SH3BP4: variants seen among roughly 807,000 people sequenced by gnomAD.
SH3BP4 encodes SH3 domain binding protein 4, also known as SH3 domain-binding protein 4.
In SH3BP4, 33 loss-of-function variants were observed where a neutral mutation model predicts 65.5. That is an observed-to-expected ratio of 0.50 (90% CI 0.38 to 0.67). The LOEUF (loss-of-function observed/expected upper bound fraction) is 0.67. Among genes scored for constraint, SH3BP4 ranks in the 30% least tolerant of loss-of-function variants. The probability of loss-of-function intolerance (pLI) is 0.00; values close to 1 mark genes in which losing one functional copy is unlikely to be tolerated. For missense variants in SH3BP4, 1,134 were observed against 1,261.4 expected (o/e 0.90, Z 1.53); for synonymous variants, 552 against 545.5 (o/e 1.01, Z -0.17).
At position 235,034,577 on chromosome 2, in the gene SH3BP4, G is replaced by A. The variant is rs1255379542; in HGVS notation, c.-132-294G>A. ...ACTGTAATGAATGGACTGGCCAGGT[G>A]CTGGAGCACATTTCGCAAACACCCT... On this transcript the variant is annotated intron_variant, in intron 2 of 5. Coordinates refer to ENST00000392011, the MANE Select transcript of SH3BP4 (RefSeq NM_014521.3). This position sits in a 1 kb window ranked among gnomAD's most constrained non-coding sequence, Gnocchi z 6.2. 6.6e-6 allele frequency among the ~76,000 whole-genome samples: 1 copy of A among 152,240 alleles called. No individual in the cohort carries two copies. The highest frequency in any genetic ancestry group is 1.5e-5 in the Non-Finnish European group (1 of 68,048).
At chr2:235,020,693 G>A (rs1694824500) in intron 2 of SH3BP4, among the ~76,000 whole-genome samples, 1 of 152,210 alleles carries the variant, frequency 6.6e-6, no homozygotes, top group African/African-American at 2.4e-5. Flanking sequence ...TACTACTACA[G>A]CTAGTAGTTG....
At chr2:234,954,612 C>A (rs1254254444) in intron 1 of SH3BP4, among the ~76,000 whole-genome samples, 1 of 152,178 alleles carries the variant, frequency 6.6e-6, no homozygotes, top group African/African-American at 2.4e-5. Flanking sequence ...GTTTGCTAAT[C>A]CGGCAGCCTG....
intron 2 of SH3BP4, among the ~76,000 whole-genome samples, chr2:235,027,814 G>T (rs1180538360): frequency 6.6e-6 from 1 of 152,188 alleles, no homozygotes; most frequent in Non-Finnish European, 1.5e-5. Context: ...TCAGCCTGAG[G>T]TTTCCCTAAG....
Position 235,041,398 on chromosome 2 carries a change from C to T in SH3BP4, c.629C>T (p.Thr210Met), listed in dbSNP as rs968971017. Reference sequence around the variant, plus strand: ...TTCACCGAATCCAGCTCAGCCACCACGAATAGCACTGGCAACATCTTCGAT... The same window carrying T: ...TTCACCGAATCCAGCTCAGCCACCATGAATAGCACTGGCAACATCTTCGAT... ...SSFTESSSAT[T>M]NSTGNIFDEL... The change falls in exon 4 of 6, where the codon ACG (threonine) becomes ATG (methionine). Residue 210 changes from threonine to methionine, a missense_variant. By Grantham distance (81) the Thr-to-Met change is moderately conservative. Coordinates refer to ENST00000392011, the MANE Select transcript of SH3BP4 (RefSeq NM_014521.3). This position sits in a 1 kb window ranked among gnomAD's most constrained non-coding sequence, Gnocchi z 6.0. 1.5e-5 allele frequency: 24 copies of T among 1,614,090 alleles called. No individual in the cohort carries two copies. The highest frequency in any genetic ancestry group is 1.9e-5 in the Non-Finnish European group (22 of 1,180,058).
chr2:235,014,601 G>A (rs1468469285), intron 2 of SH3BP4, among the ~76,000 whole-genome samples: 2 of 152,146 alleles, frequency 1.3e-5, no homozygotes, highest in Non-Finnish European at 2.9e-5. Context: ...TTCCTCCCGA[G>A]GCTGTGAGGG....
intron 1 of SH3BP4, among the ~76,000 whole-genome samples, chr2:234,969,197 G>T (rs894655606): frequency 1.3e-5 from 2 of 152,232 alleles, no homozygotes; most frequent in Admixed American, 6.5e-5. Flanking sequence ...GTCTTGTTAG[G>T]CAGACTGACA....
intron 4 of SH3BP4, 85 bp downstream of exon 4, chr2:235,043,332 G>T (rs1160299960): frequency 8.7e-7 from 1 of 1,147,442 alleles, no homozygotes; most frequent in East Asian, 2.4e-5. Flanking sequence ...GGCGTGGGCC[G>T]TGGTGTCGTA....
In SH3BP4 at chr2:234,976,732, C is replaced by T. The variant is rs1693178079; in HGVS notation, c.-206-18571C>T. Reference sequence around the variant, plus strand: ...TGGTCTTCCTCTCAGTAACACACAACCCAGTCTAACTGGGAGAAAAACCCC... The same window carrying T: ...TGGTCTTCCTCTCAGTAACACACAATCCAGTCTAACTGGGAGAAAAACCCC... On this transcript the variant is annotated intron_variant, in intron 1 of 5. Transcript: ENST00000392011. The surrounding 1 kb of genome is among the most constrained non-coding windows in gnomAD (Gnocchi z 4.7). Among the ~76,000 whole-genome samples the T allele has an allele frequency of 7.1e-6, 1 of 140,770 alleles. No homozygotes were observed. Among genetic ancestry groups the T allele is most frequent in the African/African-American group, 2.7e-5 (1 of 36,550 alleles). 92.4% of individuals were successfully genotyped at this position (140,770 alleles called of 152,430 possible).
intron 2 of SH3BP4, among the ~76,000 whole-genome samples, chr2:235,020,137 T>C (rs1187367738): frequency 6.6e-6 from 1 of 152,170 alleles, no homozygotes; most frequent in Non-Finnish European, 1.5e-5. Context: ...GAAGCAGGTT[T>C]GTAGGAATGG....
chr2:235,029,766 G>A (rs1165567492), intron 2 of SH3BP4, among the ~76,000 whole-genome samples: 2 of 152,204 alleles, frequency 1.3e-5, no homozygotes, highest in African/African-American at 2.4e-5. Flanking sequence ...ACCAGTTCAC[G>A]GGTGCGGCAC....
intron 1 of SH3BP4, among the ~76,000 whole-genome samples, chr2:234,966,704 G>A (rs1013559901): frequency 5.9e-5 from 9 of 152,172 alleles, no homozygotes; most frequent in Non-Finnish European, 8.8e-5. Context: ...ATTTGAGGAT[G>A]CCTGTGACTT....
chr2:234,986,571 T>A (rs1328935712), intron 1 of SH3BP4, among the ~76,000 whole-genome samples: 1 of 152,128 alleles, frequency 6.6e-6, no homozygotes, highest in African/African-American at 2.4e-5. Context: ...TTGGGATTGT[T>A]CTGTTTGTGT....
intron 2 of SH3BP4, among the ~76,000 whole-genome samples, chr2:235,013,856 C>A (rs528492604): frequency 1.3e-5 from 2 of 152,142 alleles, no homozygotes; most frequent in Non-Finnish European, 2.9e-5. Flanking sequence ...GGTGAGTAAG[C>A]GGAGTGTGAA....
chr2:235,038,322 T>TATATA (rs1559254363), intron 3 of SH3BP4, among the ~76,000 whole-genome samples: 19 of 7,614 alleles, frequency 2.5e-3, no homozygotes, highest in Admixed American at 0.014. Flanking sequence ...TTATATATTA[T>TATATA]ATATATATTA....
At chr2:235,021,662 G>GA (rs950196205) in intron 2 of SH3BP4, among the ~76,000 whole-genome samples, 1 of 149,512 alleles carries the variant, frequency 6.7e-6, no homozygotes, top group Non-Finnish European at 1.5e-5. Context: ...TTATTTGGAA[G>GA]AAAAAAAAGG....
chr2:235,008,820 T>A (rs945775764), intron 2 of SH3BP4, among the ~76,000 whole-genome samples: 1 of 152,084 alleles, frequency 6.6e-6, no homozygotes, highest in East Asian at 1.9e-4. Context: ...AAAAACGGGG[T>A]GATTCACACA....
Position 235,042,827 on chromosome 2 carries a change from C to T in SH3BP4, c.2058C>T (p.Leu686=). The change falls in exon 4 of 6, where the codon CTC becomes CTT. Residue 686 remains leucine (L), a synonymous_variant. Coordinates refer to ENST00000392011, the MANE Select transcript of SH3BP4 (RefSeq NM_014521.3). The surrounding 1 kb of genome is among the most constrained non-coding windows in gnomAD (Gnocchi z 7.3). ...AGAAGGGCGACGGGATCGCCCTGCT[C>T]AGCGAGGAGCGGGTCAGGCTCCGGG... The part of the protein sequence containing the change: ...EYKKGDGIAL[L]SEERVRLRGQ... The T allele has an allele frequency of 6.2e-7, 1 of 1,614,004 alleles. No homozygotes were observed. The highest frequency in any genetic ancestry group is 1.6e-4 in the Middle Eastern group (1 of 6,062).
At chr2:234,958,193 T>C (rs1213897967) in intron 1 of SH3BP4, among the ~76,000 whole-genome samples, 1 of 152,174 alleles carries the variant, frequency 6.6e-6, no homozygotes, top group Non-Finnish European at 1.5e-5. Context: ...GGACCATAGC[T>C]GAACACTTTG....
intron 2 of SH3BP4, among the ~76,000 whole-genome samples, chr2:235,025,940 T>C (rs1306063351): frequency 2.0e-5 from 3 of 152,156 alleles, no homozygotes; most frequent in Admixed American, 2.0e-4. Context: ...TAGCTGTGTT[T>C]GGTGAGTGCA....
Sources: allele counts gnomAD v4.1 joint callset (sites outside exome capture counted in the v4.1 genomes callset), GRCh38; gene constraint gnomAD v4.1.1; non-coding constraint Gnocchi (gnomAD v3.1); transcripts MANE v1.5; gene names NCBI Gene and HGNC (gene_info 2026-07-23, HGNC 2026-07-21).